Variants in EML6 observed in about 807,000 individuals in gnomAD.
EML6 encodes EMAP like 6, also known as echinoderm microtubule-associated protein-like 6.
EML6 carries 154 observed loss-of-function variants against 240.1 expected under a neutral mutation model. That is an observed-to-expected ratio of 0.64 (90% CI 0.56 to 0.73). The LOEUF (loss-of-function observed/expected upper bound fraction) is 0.73. Among genes scored for constraint, EML6 ranks in the 30% least tolerant of loss-of-function variants. The pLI, the probability that EML6 is intolerant of heterozygous loss-of-function variation, is 0.00. For synonymous variants in EML6, 1,148 were observed against 899.0 expected, an observed-to-expected ratio of 1.28 and a Z score of -4.95; for missense variants, 2,964 against 2,474.6, an observed-to-expected ratio of 1.20 and a Z score of -4.20.
At chr2:54,756,617 T>C (rs186611670) in intron 2 of EML6, among the ~76,000 whole-genome samples, 33 of 151,990 alleles carry the variant, frequency 2.2e-4, no homozygotes, top group Non-Finnish European at 4.7e-4. Context: ...TTCCTTTTTA[T>C]AAATGATGTT....
Position 54,844,206 on chromosome 2 carries a change from A to G in EML6, c.1007A>G (p.Lys336Arg), listed in dbSNP as rs1283737371. Residue 336 changes from lysine to arginine, a missense_variant, in exon 8 of 42, where the codon AAG becomes AGG. Coordinates refer to ENST00000356458, the MANE Select transcript of EML6 (RefSeq NM_001039753.4). ...GELWALALHP[K>R]KPLAVTGSDD... ...CTCTGGGCTCTGGCCCTGCACCCCA[A>G]GAAGCCTCTGGCTGTGACAGGCAGC... 1 of 1,551,700 alleles carries G rather than the reference A, an allele frequency of 6.4e-7. No individual in the cohort carries two copies. Among genetic ancestry groups the G allele is most frequent in the Non-Finnish European group, 8.7e-7 (1 of 1,146,992 alleles).
chr2:54,937,095 C>A (rs531162746), intron 28 of EML6, among the ~76,000 whole-genome samples: 1 of 150,710 alleles, frequency 6.6e-6, no homozygotes, highest in Non-Finnish European at 1.5e-5. Flanking sequence ...GCCTGACCAA[C>A]GTGGAAAAAC....
chr2:54,732,677 G>T (rs1367294382), intron 2 of EML6, among the ~76,000 whole-genome samples: 1 of 152,158 alleles, frequency 6.6e-6, no homozygotes, highest in East Asian at 1.9e-4. Context: ...TCATTAAAGA[G>T]GTTAACCTAG....
At chr2:54,782,926 G>A (rs112223060) in intron 2 of EML6, among the ~76,000 whole-genome samples, 13 of 152,330 alleles carry the variant, frequency 8.5e-5, no homozygotes, top group African/African-American at 3.1e-4. Context: ...ATTTAGGGCT[G>A]CTGGGATGAT....
At chr2:54,870,559 T>G (rs938745773) in intron 15 of EML6, among the ~76,000 whole-genome samples, 2 of 152,264 alleles carry the variant, frequency 1.3e-5, no homozygotes, top group East Asian at 3.8e-4. Flanking sequence ...TAGCTGATGT[T>G]ATAAGGTTTT....
At position 54,920,851 on chromosome 2, in the gene EML6, G is replaced by A. The variant is rs942455697; in HGVS notation, c.3675+3916G>A. On this transcript the variant is annotated intron_variant, in intron 26 of 41. Transcript: ENST00000356458. ...TGTTCCTGGGATGCAAGGATGGTTCGACATATGCAAGTCAGTAAATGTGAT... is the reference window on the plus strand; with the variant it reads ...TGTTCCTGGGATGCAAGGATGGTTCAACATATGCAAGTCAGTAAATGTGAT... Among the ~76,000 whole-genome samples the A allele has an allele frequency of 5.3e-5, 8 of 151,988 alleles. No homozygotes were observed. The East Asian group carries it at 9.6e-4, about 18-fold the overall frequency.
intron 17 of EML6, chr2:54,879,902 A>C: frequency 2.4e-6 from 1 of 413,462 alleles, no homozygotes; most frequent in Admixed American, 4.1e-5. Flanking sequence ...TGGTCTGTGT[A>C]ATCTGTATCA....
chr2:54,867,097 T>C (rs1266756811), intron 14 of EML6: 1 of 379,298 alleles, frequency 2.6e-6, no homozygotes, highest in Non-Finnish European at 4.9e-6. Flanking sequence ...CATCACAGTG[T>C]GATTGTCTCT....
rs1292280819 is a variant in EML6 at position 54,853,613 on chromosome 2, A to G, written c.1445-30A>G. On this transcript the variant is annotated intron_variant, in intron 10 of 41. Coordinates refer to ENST00000356458, the MANE Select transcript of EML6 (RefSeq NM_001039753.4). ...ATAAATTAGAATAAACTTTTTATTTAAATGTAATGTTAATATTGATTATTT... is the reference window on the plus strand; with the variant it reads ...ATAAATTAGAATAAACTTTTTATTTGAATGTAATGTTAATATTGATTATTT... The G allele has an allele frequency of 2.3e-6, 3 of 1,283,766 alleles. No homozygotes were observed. The South Asian group carries it at 5.1e-5, about 22-fold the overall frequency. The allele number at this position is 1,283,766 out of a possible 1,614,324, so 79.5% of individuals were successfully genotyped here.
At chr2:54,780,877 C>G (rs1444319876) in intron 2 of EML6, among the ~76,000 whole-genome samples, 1 of 152,124 alleles carries the variant, frequency 6.6e-6, no homozygotes, top group African/African-American at 2.4e-5. Flanking sequence ...ATTCTTGCCT[C>G]TAAGCATTTG....
At chr2:54,897,638 C>G (rs552755577) in intron 21 of EML6, among the ~76,000 whole-genome samples, 9 of 152,060 alleles carry the variant, frequency 5.9e-5, no homozygotes, top group Non-Finnish European at 1.2e-4. Flanking sequence ...CTGCTGGAAG[C>G]TTCAGACCAG....
intron 17 of EML6, among the ~76,000 whole-genome samples, chr2:54,885,247 C>A (rs1317176101): frequency 6.6e-6 from 1 of 151,964 alleles, no homozygotes; most frequent in Non-Finnish European, 1.5e-5. Flanking sequence ...GAGTTTGAGA[C>A]CAGCCTGACC....
intron 35 of EML6, among the ~76,000 whole-genome samples, chr2:54,961,184 G>GTTGTTTTTTTTTTTTGTTTTTTTTT: frequency 1.8e-5 from 1 of 55,424 alleles, no homozygotes; most frequent in Non-Finnish European, 3.2e-5. Flanking sequence ...TCAGGAAGTA[G>GTTGTTTTTTTTTTTTGTTTTTTTTT]TTTTTTTTTT....
intron 2 of EML6, among the ~76,000 whole-genome samples, chr2:54,793,692 T>C (rs1669596090): frequency 6.6e-6 from 1 of 152,102 alleles, no homozygotes; most frequent in Non-Finnish European, 1.5e-5. Context: ...CATTGGCCAG[T>C]TTTCCTTTGA....
chr2:54,807,501 C>T (rs888382585), intron 2 of EML6, among the ~76,000 whole-genome samples: 1 of 152,092 alleles, frequency 6.6e-6, no homozygotes, highest in East Asian at 1.9e-4. Flanking sequence ...AAATTAAGCC[C>T]TGATTTGTAG....
At chr2:54,861,402 A>C (rs1401347215) in intron 12 of EML6, among the ~76,000 whole-genome samples, 1 of 152,226 alleles carries the variant, frequency 6.6e-6, no homozygotes, top group Non-Finnish European at 1.5e-5. Context: ...TTATCTCCCC[A>C]GGATCAGAGG....
intron 31 of EML6, among the ~76,000 whole-genome samples, 159 bp downstream of exon 31, chr2:54,952,851 G>A (rs988873529): frequency 1.2e-4 from 18 of 152,146 alleles, no homozygotes; most frequent in Non-Finnish European, 2.2e-4. Flanking sequence ...TGTCACCTGC[G>A]TTGACACATC....
At chr2:54,743,567 G>A (rs930367343) in intron 2 of EML6, among the ~76,000 whole-genome samples, 1 of 152,160 alleles carries the variant, frequency 6.6e-6, no homozygotes, top group African/African-American at 2.4e-5. Context: ...CCAAAGCCAT[G>A]TTCTTTCTAT....
At chr2:54,927,629 G>A (rs1386306441) in intron 26 of EML6, among the ~76,000 whole-genome samples, 4 of 152,196 alleles carry the variant, frequency 2.6e-5, no homozygotes, top group Non-Finnish European at 4.4e-5. Flanking sequence ...CCTGGCATGA[G>A]CAGCTGACTC....
Sources: allele counts gnomAD v4.1 joint callset (sites outside exome capture counted in the v4.1 genomes callset), GRCh38; gene constraint gnomAD v4.1.1; transcripts MANE v1.5; gene names NCBI Gene and HGNC (gene_info 2026-07-23, HGNC 2026-07-21).